The following ATP12A variants were observed in gnomAD, a reference collection of about 807,000 sequenced individuals.
ATP12A encodes ATPase H+/K+ transporting non-gastric alpha2 subunit.
A neutral mutation model predicts 111.2 loss-of-function variants in ATP12A; 81 were observed. The observed-to-expected ratio is 0.73, with a 90% CI of 0.61 to 0.88. The LOEUF (loss-of-function observed/expected upper bound fraction) is 0.88, where lower values mean the gene tolerates loss of function less well. Among genes scored for constraint, ATP12A ranks in the 40% least tolerant of loss-of-function variants. The pLI is 0.00. For synonymous variants in ATP12A, 498 were observed against 499.8 expected, an observed-to-expected ratio of 1.00 and a Z score of 0.05; for missense variants, 1,196 against 1,313.1, an observed-to-expected ratio of 0.91 and a Z score of 1.38.
intron 11 of ATP12A, among the ~76,000 whole-genome samples, chr13:24,697,346 T>C (rs1875209076): frequency 6.6e-6 from 1 of 152,130 alleles, no homozygotes; most frequent in Non-Finnish European, 1.5e-5. Flanking sequence ...TAAAAAGCCT[T>C]ATCTTGGCCA....
chr13:24,692,207 C>T (rs2137698864), intron 8 of ATP12A, among the ~76,000 whole-genome samples: 1 of 152,178 alleles, frequency 6.6e-6, no homozygotes, highest in South Asian at 2.1e-4. Context: ...ACAAGAAAAG[C>T]ATCTCATATT....
In ATP12A at chr13:24,711,618, C is replaced by T. The variant is rs531898640; in HGVS notation, c.*96C>T. On this transcript the variant is annotated 3_prime_UTR_variant, in exon 23 of 23. Transcript: ENST00000381946. ...GGCTATTCCCCTGCAGTGCAGACAT[C>T]GTCAAAATTCAGACAAGAGGAAATT... The T allele has an allele frequency of 1.4e-4, 220 of 1,533,760 alleles. No individual in the cohort carries two copies. Among genetic ancestry groups the T allele is most frequent in the Non-Finnish European group, 1.8e-4 (203 of 1,116,530 alleles).
intron 8 of ATP12A, among the ~76,000 whole-genome samples, 197 bp downstream of exon 8, chr13:24,691,447 C>T (rs772498305): frequency 4.6e-5 from 7 of 152,204 alleles, no homozygotes; most frequent in Non-Finnish European, 8.8e-5. Flanking sequence ...TATTTGACTG[C>T]GTTTTCCTTG....
rs1264198597 is a variant in ATP12A at position 24,706,421 on chromosome 13, C to A, written c.2127C>A (p.Ser709=). 10 of 1,614,066 alleles carry A rather than the reference C, an allele frequency of 6.2e-6. No homozygotes were observed. Among genetic ancestry groups the A allele is most frequent in the Non-Finnish European group, 8.5e-6 (10 of 1,180,032 alleles). The change falls in exon 15 of 23, where the codon TCC becomes TCA. Residue 709 remains serine (S), a synonymous_variant. Coordinates refer to ENST00000381946, the MANE Select transcript of ATP12A (RefSeq NM_001676.7). ...AGGAGATTGTCTTTGCCCGGACATCCCCCCAGCAGAAGCTGATCATTGTGG... is the reference window on the plus strand; with the variant it reads ...AGGAGATTGTCTTTGCCCGGACATCACCCCAGCAGAAGCTGATCATTGTGG... The part of the protein sequence containing the change: ...NYQEIVFART[S]PQQKLIIVEG...
At chr13:24,699,029 G>A (rs1875288089) in intron 12 of ATP12A, among the ~76,000 whole-genome samples, 179 bp downstream of exon 12, 1 of 152,180 alleles carries the variant, frequency 6.6e-6, no homozygotes, top group Admixed American at 6.5e-5. Flanking sequence ...AAGCAGGGTG[G>A]GATGGCCTCC....
At chr13:24,693,364 C>T (rs1874992851) in intron 10 of ATP12A, among the ~76,000 whole-genome samples, 1 of 152,064 alleles carries the variant, frequency 6.6e-6, no homozygotes, top group Non-Finnish European at 1.5e-5. Context: ...CCCTTCCTCC[C>T]TTTTCCTCTC....
At chr13:24,705,376 A>C (rs1389878604) in intron 14 of ATP12A, among the ~76,000 whole-genome samples, 1 of 152,172 alleles carries the variant, frequency 6.6e-6, no homozygotes, top group African/African-American at 2.4e-5. Context: ...TCGCTGGCTA[A>C]AGTTAGGGAT....
In ATP12A at chr13:24,681,547, G is replaced by A. The variant is rs777755595; in HGVS notation, c.10-15G>A. The A allele has an allele frequency of 6.2e-7, 1 of 1,608,640 alleles. No individual in the cohort carries two copies. The highest frequency in any genetic ancestry group is 8.5e-7 in the Non-Finnish European group (1 of 1,178,482). On this transcript the variant is annotated splice_polypyrimidine_tract_variant and intron_variant, in intron 1 of 22. Coordinates refer to ENST00000381946, the MANE Select transcript of ATP12A (RefSeq NM_001676.7). Reference sequence around the variant, plus strand: ...CCCATTTGGGGCCAATATTGCACCTGGGCTTCTCTTTCAGAAAACCCCAGA... The same window carrying A: ...CCCATTTGGGGCCAATATTGCACCTAGGCTTCTCTTTCAGAAAACCCCAGA...
chr13:24,711,509 A>G lies in ATP12A; in HGVS notation c.3107A>G (p.Asn1036Ser). 1.9e-6 allele frequency: 3 copies of G among 1,614,186 alleles called. No individual in the cohort carries two copies. Among genetic ancestry groups the G allele is most frequent in the Non-Finnish European group, 2.5e-6 (3 of 1,180,026 alleles). The stretch of plus-strand genomic sequence containing the variant: ...ACCTCTACAGGCTGGTGGGATAAGA[A>G]CATGTATTATTAAGACCACCTCCCT... ...RLYPGSWWDK[N>S]MYY The change falls in exon 23 of 23, where the codon AAC becomes AGC. Residue 1036 changes from asparagine to serine, a missense_variant. Around this residue, in one of 3 missense-constraint regions of ATP12A, gnomAD observed 1,126 missense variants for 1,228.5 expected, o/e 0.92. Transcript: ENST00000381946.
At chr13:24,682,959 C>CTTTTTTTTTTT (rs34361489) in intron 2 of ATP12A, among the ~76,000 whole-genome samples, 9,766 of 136,568 alleles carry the variant, frequency 0.072, 437 homozygotes, top group South Asian at 0.1. Context: ...TAAAACTAGC[C>CTTTTTTTTTTT]TTTTTTTTTT....
Position 24,712,023 on chromosome 13 carries a change from G to A in ATP12A, c.*501G>A, listed in dbSNP as rs1266327221. The A allele has an allele frequency of 1.7e-5, 3 of 179,396 alleles. No homozygotes were observed. The highest frequency in any genetic ancestry group is 5.4e-5 in the Admixed American group (1 of 18,368). 11.1% of individuals were successfully genotyped at this position (179,396 alleles called of 1,614,324 possible). Reference sequence around the variant, plus strand: ...AGGGTCTGCAGGAGATGGAAGTGGCGGCAGGTTTACATCACAGCAGCACGC... The same window carrying A: ...AGGGTCTGCAGGAGATGGAAGTGGCAGCAGGTTTACATCACAGCAGCACGC... On this transcript the variant is annotated 3_prime_UTR_variant, in exon 23 of 23. Coordinates refer to ENST00000381946, the MANE Select transcript of ATP12A (RefSeq NM_001676.7).
chr13:24,682,541 G>T (rs1003103334), intron 2 of ATP12A, among the ~76,000 whole-genome samples: 2 of 152,252 alleles, frequency 1.3e-5, no homozygotes, highest in Non-Finnish European at 1.5e-5. Flanking sequence ...CACAGGCATG[G>T]CCAGACCTCT....
chr13:24,709,314 G>A (rs1875851370), intron 17 of ATP12A, 50 bp from the exon 18 acceptor site: 5 of 1,548,438 alleles, frequency 3.2e-6, no homozygotes, highest in East Asian at 2.3e-5. Context: ...CCTACTGTGG[G>A]TAGAGCAGAA....
Position 24,688,457 on chromosome 13 carries a change from G to T in ATP12A, c.367G>T (p.Ala123Ser). 2.5e-6 allele frequency: 4 copies of T among 1,613,702 alleles called. No individual in the cohort carries two copies. The highest frequency in any genetic ancestry group is 3.4e-6 in the Non-Finnish European group (4 of 1,179,894). Residue 123 changes from alanine to serine, a missense_variant, in exon 4 of 23, where the codon GCC becomes TCC. Physicochemically the swap from Ala to Ser is moderately conservative, Grantham distance 99. This residue lies in a region of ATP12A where 1,126 missense variants were observed against 1,228.5 expected (regional missense o/e 0.92). Coordinates refer to ENST00000381946, the MANE Select transcript of ATP12A (RefSeq NM_001676.7). Reference sequence around the variant, plus strand: ...GTTCTCTATCCTCCTGTGGGTGGGCGCCTTTCTCTGTTGGATTGCATATGG... The same window carrying T: ...GTTCTCTATCCTCCTGTGGGTGGGCTCCTTTCTCTGTTGGATTGCATATGG... ...GGFSILLWVG[A>S]FLCWIAYGIQ...
Position 24,698,862 on chromosome 13 carries a change from G to T in ATP12A, c.1705+12G>T, listed in dbSNP as rs146779516. On this transcript the variant is annotated intron_variant, in intron 12 of 22. Coordinates refer to ENST00000381946, the MANE Select transcript of ATP12A (RefSeq NM_001676.7). ...CGAGCGTGTGCTGGGTGAGTGCGGC[G>T]GCAGGGCCCTGCCCATCACCTGGTG... 1 of 1,612,354 alleles carries T rather than the reference G, an allele frequency of 6.2e-7. No homozygotes were observed. Among genetic ancestry groups the T allele is most frequent in the Non-Finnish European group, 8.5e-7 (1 of 1,179,306 alleles).
intron 1 of ATP12A, among the ~76,000 whole-genome samples, 157 bp downstream of exon 1, chr13:24,680,909 T>C (rs1874406537): frequency 1.3e-5 from 2 of 152,204 alleles, no homozygotes; most frequent in African/African-American, 4.8e-5. Flanking sequence ...CCCCCCGGCC[T>C]GGGCACCGCT....
rs1024856340 is a variant in ATP12A, at chr13:24,680,628, C to T, written c.-116C>T. On this transcript the variant is annotated 5_prime_UTR_variant, in exon 1 of 23. Transcript: ENST00000381946. ...GCGCCGCCGCCGGTATCTCCACCGCCAACACCTCAGCCACTGCCACTGCCA... is the reference window on the plus strand; with the variant it reads ...GCGCCGCCGCCGGTATCTCCACCGCTAACACCTCAGCCACTGCCACTGCCA... The T allele has an allele frequency of 3.5e-5, 45 of 1,279,170 alleles. No homozygotes were observed. Among genetic ancestry groups the T allele is most frequent in the Non-Finnish European group, 4.2e-5 (40 of 941,720 alleles). The allele number at this position is 1,279,170 out of a possible 1,614,324, so 79.2% of individuals were successfully genotyped here. A position where few individuals can be genotyped will look rare whatever the true frequency, so the allele number is the denominator to read the frequency against.
At chr13:24,688,611 C>A in intron 4 of ATP12A, 89 bp downstream of exon 4, 1 of 1,275,950 alleles carries the variant, frequency 7.8e-7, no homozygotes, top group Non-Finnish European at 1.0e-6. Flanking sequence ...AATGCCACTG[C>A]CTAGGTGTGG....
intron 12 of ATP12A, 112 bp downstream of exon 12, chr13:24,698,962 A>G (rs1875285593): frequency 7.7e-7 from 1 of 1,293,812 alleles, no homozygotes; most frequent in Non-Finnish European, 1.1e-6. Context: ...TGAAGCATGT[A>G]AAGGAGAACA....
Sources: gnomAD v4.1 joint callset for allele counts (sites outside exome capture counted in the v4.1 genomes callset) on GRCh38, gnomAD v4.1.1 for gene constraint, gnomAD v4.1.1 regional missense constraint, MANE v1.5 for transcripts, NCBI Gene and HGNC (gene_info 2026-07-23, HGNC 2026-07-21) for gene names.